C2CD2: variants seen among roughly 807,000 people sequenced by gnomAD.
C2CD2 encodes C2 calcium dependent domain containing 2, also known as C2 domain-containing protein 2.
A neutral mutation model predicts 74.3 loss-of-function variants in C2CD2; 43 were observed. The ratio of observed to expected loss-of-function variants is 0.58; its 90% CI spans 0.45 to 0.75. C2CD2 has a LOEUF of 0.75. Among genes scored for constraint, C2CD2 ranks in the 30% least tolerant of loss-of-function variants. The pLI is 0.00. For synonymous variants in C2CD2, 422 were observed against 390.7 expected, an observed-to-expected ratio of 1.08 and a Z score of -0.94; for missense variants, 801 against 916.3, an observed-to-expected ratio of 0.87 and a Z score of 1.63.
chr21:41,948,218 C>A (rs1023820015), intron 1 of C2CD2, among the ~76,000 whole-genome samples: 2 of 152,238 alleles, frequency 1.3e-5, no homozygotes, highest in Non-Finnish European at 2.9e-5. Flanking sequence ...ATGGGCATCA[C>A]CACTGTTTCT....
At chr21:41,891,853 G>C (rs2064758528) in intron 13 of C2CD2, among the ~76,000 whole-genome samples, 1 of 152,136 alleles carries the variant, frequency 6.6e-6, no homozygotes, top group Non-Finnish European at 1.5e-5. Flanking sequence ...ACCCCCAGCA[G>C]TGAGAGGTTC....
Position 41,940,745 on chromosome 21 carries a change from T to C in C2CD2, c.378+1402A>G, listed in dbSNP as rs1443112629. Among the ~76,000 whole-genome samples the C allele has an allele frequency of 3.3e-5, 5 of 152,354 alleles. No individual in the cohort carries two copies. The East Asian group carries it at 9.6e-4, about 29-fold the overall frequency. ...ATATGGGAAATGTACATGTGAGTTA[T>C]GGGGAAGGCGGGAAGCACTGCTTCC... is the stretch of plus-strand genomic sequence containing the variant. On this transcript the variant is annotated intron_variant, in intron 2 of 13. Transcript: ENST00000380486.
At chr21:41,911,561 TTTGTAC>T (rs1049503615) in intron 7 of C2CD2, among the ~76,000 whole-genome samples, 4 of 152,068 alleles carry the variant, frequency 2.6e-5, no homozygotes, top group African/African-American at 9.7e-5. Context: ...CTGGCTAATT[TTTGTAC>T]TTTTAGTAGA....
intron 2 of C2CD2, among the ~76,000 whole-genome samples, chr21:41,928,185 C>A (rs1177126237): frequency 6.6e-6 from 1 of 152,230 alleles, no homozygotes; most frequent in African/African-American, 2.4e-5. Flanking sequence ...CAGGGCCAGG[C>A]CACTTGGCCA....
intron 2 of C2CD2, among the ~76,000 whole-genome samples, chr21:41,927,296 G>T (rs924438898): frequency 6.6e-6 from 1 of 152,112 alleles, no homozygotes; most frequent in Admixed American, 6.6e-5. Context: ...CTCCTAAGTA[G>T]CTGGGAATAC....
At position 41,888,890 on chromosome 21, in the gene C2CD2, C is replaced by G. The variant is rs2064713442; in HGVS notation, c.*234G>C. On this transcript the variant is annotated 3_prime_UTR_variant, in exon 14 of 14. Coordinates refer to ENST00000380486, the MANE Select transcript of C2CD2 (RefSeq NM_015500.2). ...TATGAGCACAGCCCAAGCTCTGCAG[C>G]TGTCAAGTCTCATTTAGCATCTGGT... 1 of 582,274 alleles carries G rather than the reference C, an allele frequency of 1.7e-6. No individual in the cohort carries two copies. The highest frequency in any genetic ancestry group is 1.9e-5 in the African/African-American group (1 of 53,564). The allele number at this position is 582,274 out of a possible 1,614,324, so 36.1% of individuals were successfully genotyped here.
intron 13 of C2CD2, 91 bp from the exon 14 acceptor site, chr21:41,889,435 G>A (rs1289466829): frequency 1.4e-5 from 12 of 849,550 alleles, no homozygotes; most frequent in Admixed American, 2.0e-5. Context: ...AAGGAGGCTC[G>A]AATGCCTCTA....
At chr21:41,908,362 G>A (rs1205459073) in intron 8 of C2CD2, 2 of 153,200 alleles carry the variant, frequency 1.3e-5, no homozygotes, top group African/African-American at 4.8e-5. Context: ...TTGAGTAAAG[G>A]TTATGTGGCT....
chr21:41,915,142 C>T (rs1050371879), intron 5 of C2CD2, among the ~76,000 whole-genome samples: 2 of 152,182 alleles, frequency 1.3e-5, no homozygotes, highest in African/African-American at 4.8e-5. Flanking sequence ...AGCAGGACAC[C>T]AGACAGATGG....
At chr21:41,909,559 T>C (rs749182956) in intron 7 of C2CD2, 36 bp from the exon 8 acceptor site, 1 of 1,336,454 alleles carries the variant, frequency 7.5e-7, no homozygotes, top group South Asian at 1.2e-5. Context: ...TCCTAAAAAA[T>C]GCAATGCTTG....
chr21:41,936,994 C>A (rs1205073268), intron 2 of C2CD2, among the ~76,000 whole-genome samples: 3 of 148,588 alleles, frequency 2.0e-5, no homozygotes, highest in African/African-American at 7.5e-5. Flanking sequence ...AATTTTTGTA[C>A]TTTTAGTAGA....
intron 5 of C2CD2, among the ~76,000 whole-genome samples, chr21:41,915,040 G>T (rs1275821761): frequency 6.6e-6 from 1 of 152,202 alleles, no homozygotes; most frequent in African/African-American, 2.4e-5. Flanking sequence ...AGCTCACTTT[G>T]CCATGGGTCT....
rs189255344 is a variant in C2CD2 at position 41,924,591 on chromosome 21, G to C, written c.379-2506C>G. 2.0e-5 allele frequency among the ~76,000 whole-genome samples: 3 copies of C among 152,270 alleles called. No individual in the cohort carries two copies. Among genetic ancestry groups the C allele is most frequent in the Admixed American group, 6.5e-5 (1 of 15,290 alleles). On this transcript the variant is annotated intron_variant, in intron 2 of 13. Coordinates refer to ENST00000380486, the MANE Select transcript of C2CD2 (RefSeq NM_015500.2). This position sits in a 1 kb window ranked among gnomAD's most constrained non-coding sequence, Gnocchi z 4.4. ...TGATCTATAAACAGTCCTTTACGGAGGAACATGCTTTGTGGCCAGATGAGT... is the reference window on the plus strand; with the variant it reads ...TGATCTATAAACAGTCCTTTACGGACGAACATGCTTTGTGGCCAGATGAGT...
intron 13 of C2CD2, chr21:41,894,459 G>A: frequency 2.8e-6 from 1 of 362,290 alleles, no homozygotes; most frequent in Non-Finnish European, 5.4e-6. Flanking sequence ...TGAAGTCCAT[G>A]TTCCCAGGCC....
rs537224297 is a variant in C2CD2 at position 41,906,789 on chromosome 21, T to C, written c.1318+203A>G. On this transcript the variant is annotated intron_variant, in intron 10 of 13. Coordinates refer to ENST00000380486, the MANE Select transcript of C2CD2 (RefSeq NM_015500.2). ...ACCTTGTTTCAGTTTATTGCATATGTGTTTGGCAGAAGAGAAAGATAACTG... is the reference window on the plus strand; with the variant it reads ...ACCTTGTTTCAGTTTATTGCATATGCGTTTGGCAGAAGAGAAAGATAACTG... Among the ~76,000 whole-genome samples the C allele has an allele frequency of 3.3e-5, 5 of 152,354 alleles. No individual in the cohort carries two copies. In the East Asian group the frequency reaches 7.7e-4, roughly 24 times the overall value.
Position 41,885,245 on chromosome 21 carries a change from G to A in C2CD2, c.*3879C>T, listed in dbSNP as rs2064670424. 1 of 152,268 alleles carries A rather than the reference G, an allele frequency of 6.6e-6. No homozygotes were observed. Among genetic ancestry groups the A allele is most frequent in the African/African-American group, 2.4e-5 (1 of 41,458 alleles). The allele number at this position is 152,268 out of a possible 1,614,324, so 9.4% of individuals were successfully genotyped here. On this transcript the variant is annotated 3_prime_UTR_variant, in exon 14 of 14. Coordinates refer to ENST00000380486, the MANE Select transcript of C2CD2 (RefSeq NM_015500.2). ...CTTCGGCGTTTAAAGTGCTACTGAG[G>A]AATACAATCATTGTCACGTAAGTTC...
chr21:41,943,891 T>C (rs2065376294), intron 1 of C2CD2, among the ~76,000 whole-genome samples: 1 of 152,218 alleles, frequency 6.6e-6, no homozygotes, highest in Non-Finnish European at 1.5e-5. Context: ...AGGGCTGCTC[T>C]GCTGGCATTC....
At chr21:41,936,342 C>G (rs55763822) in intron 2 of C2CD2, among the ~76,000 whole-genome samples, 10 of 152,280 alleles carry the variant, frequency 6.6e-5, no homozygotes, top group African/African-American at 2.4e-4. Flanking sequence ...TGAAAAAGGG[C>G]TCAACATCAC....
intron 2 of C2CD2, among the ~76,000 whole-genome samples, chr21:41,928,848 C>T (rs779127649): frequency 1.3e-5 from 2 of 152,200 alleles, no homozygotes; most frequent in Non-Finnish European, 2.9e-5. Context: ...TCGTCCAGTT[C>T]CGTCTGTAGC....
Sources: allele counts gnomAD v4.1 joint callset (sites outside exome capture counted in the v4.1 genomes callset), GRCh38; gene constraint gnomAD v4.1.1; non-coding constraint Gnocchi (gnomAD v3.1); transcripts MANE v1.5; gene names NCBI Gene and HGNC (gene_info 2026-07-23, HGNC 2026-07-21).